Variants in TENM2 observed in about 807,000 individuals in gnomAD.
The protein encoded by TENM2 is teneurin transmembrane protein 2, also known as teneurin-2.
In TENM2, 52 loss-of-function variants were observed where a neutral mutation model predicts 245.2. The ratio of observed to expected loss-of-function variants is 0.21; its 90% CI spans 0.17 to 0.27. TENM2 has a LOEUF of 0.27. TENM2 is among the 10% of genes least tolerant of loss of function. TENM2 has a pLI of 1.00. For missense variants in TENM2, 3,046 were observed against 3,666.8 expected, an observed-to-expected ratio of 0.83 and a Z score of 4.37; for synonymous variants, 1,363 against 1,438.9, an observed-to-expected ratio of 0.95 and a Z score of 1.19.
chr5:167,562,773 A>T (rs371170096), intron 2 of TENM2, among the ~76,000 whole-genome samples: 2 of 152,180 alleles, frequency 1.3e-5, no homozygotes, highest in East Asian at 1.9e-4. Flanking sequence ...CCTGGCCAAC[A>T]CGGTGAAACC....
chr5:167,652,438 C>T (rs1754536378), intron 2 of TENM2, among the ~76,000 whole-genome samples: 1 of 152,070 alleles, frequency 6.6e-6, no homozygotes, highest in Non-Finnish European at 1.5e-5. Context: ...TCCTCTTCTG[C>T]CTTCAGGAGG....
intron 2 of TENM2, among the ~76,000 whole-genome samples, chr5:167,821,620 T>A (rs1767534591): frequency 6.6e-6 from 1 of 152,240 alleles, no homozygotes; most frequent in Non-Finnish European, 1.5e-5. Flanking sequence ...ATTTTCCTCT[T>A]ATTTGGCTAC....
chr5:168,256,141 G>C (rs1767635788), intron 27 of TENM2, among the ~76,000 whole-genome samples: 1 of 151,760 alleles, frequency 6.6e-6, no homozygotes. Context: ...TAAATGGAAA[G>C]GCAAATTTAT....
At chr5:167,801,041 C>T (rs1765673168) in intron 2 of TENM2, among the ~76,000 whole-genome samples, 1 of 139,200 alleles carries the variant, frequency 7.2e-6, no homozygotes, top group South Asian at 2.3e-4. Flanking sequence ...GAATAAAGGT[C>T]TTTGACCATA....
intron 2 of TENM2, among the ~76,000 whole-genome samples, chr5:167,407,159 G>A (rs180739439): frequency 1.3e-5 from 2 of 152,082 alleles, no homozygotes; most frequent in South Asian, 4.1e-4. Context: ...TCTTTCTCCA[G>A]TATCATTGTC....
intron 3 of TENM2, among the ~76,000 whole-genome samples, chr5:167,894,519 C>T (rs1194262716): frequency 6.6e-6 from 1 of 152,122 alleles, no homozygotes; most frequent in East Asian, 1.9e-4. Context: ...CTCTGACAGC[C>T]TTGTACTTCC....
chr5:168,247,781 A>G lies in TENM2; in HGVS notation c.6842A>G (p.Asn2281Ser), dbSNP rs992967997. The G allele has an allele frequency of 3.1e-6, 5 of 1,613,848 alleles. No individual in the cohort carries two copies. The highest frequency in any genetic ancestry group is 4.2e-6 in the Non-Finnish European group (5 of 1,179,894). ...AGAGGGTCTGACATCTTCGAATACA[A>G]TTCCAAGGGCCTCCTAACAAGAGCC... Residue 2281 changes from asparagine (N) to serine (S), a missense_variant, in exon 27 of 29, where the codon AAT becomes AGT. This residue lies in a region of TENM2 where 2,704 missense variants were observed against 3,331.9 expected (regional missense o/e 0.81). Transcript: ENST00000518659. The surrounding 1 kb of genome is among the most constrained non-coding windows in gnomAD (Gnocchi z 7.8).
At chr5:168,198,188 CTTTTTTTTTTTTTT>C (rs35539116) in intron 15 of TENM2, among the ~76,000 whole-genome samples, 1 of 95,834 alleles carries the variant, frequency 1.0e-5, no homozygotes, top group Non-Finnish European at 1.9e-5. Context: ...CCAATGAACC[CTTTTTTTTTTTTTT>C]TTTTTTTTTT....
intron 1 of TENM2, among the ~76,000 whole-genome samples, chr5:167,298,167 G>T (rs1256699133): frequency 6.6e-6 from 1 of 152,120 alleles, no homozygotes; most frequent in Non-Finnish European, 1.5e-5. Flanking sequence ...GAGCGGGATT[G>T]GGGCGGCGTG....
At chr5:167,790,608 C>T (rs540823725) in intron 2 of TENM2, among the ~76,000 whole-genome samples, 1 of 152,162 alleles carries the variant, frequency 6.6e-6, no homozygotes, top group Non-Finnish European at 1.5e-5. Flanking sequence ...GAACTGTTCT[C>T]GTCACCCCTC....
the TENM2 span, among the ~76,000 whole-genome samples, chr5:167,191,028 G>T: frequency 6.6e-6 from 1 of 151,792 alleles, no homozygotes; most frequent in South Asian, 2.1e-4. Context: ...TGTGTTTTGA[G>T]CACATTAGTA....
chr5:167,983,376 A>C (rs1260121486), intron 4 of TENM2, among the ~76,000 whole-genome samples: 1 of 152,220 alleles, frequency 6.6e-6, no homozygotes, highest in South Asian at 2.1e-4. Context: ...TTAAATATCA[A>C]GAGTCGAAGC....
At chr5:168,207,769 C>A (rs543282764) in intron 19 of TENM2, among the ~76,000 whole-genome samples, 49 of 152,144 alleles carry the variant, frequency 3.2e-4, no homozygotes, top group Non-Finnish European at 4.1e-4. Context: ...AGCTGAGCCT[C>A]TGAATTGGGA....
chr5:167,440,178 A>G (rs557132009), intron 2 of TENM2, among the ~76,000 whole-genome samples: 1 of 152,346 alleles, frequency 6.6e-6, no homozygotes, highest in South Asian at 2.1e-4. Flanking sequence ...TCATATTTTC[A>G]TGTCTCTTAA....
At chr5:167,977,530 T>C (rs1179697952) in intron 4 of TENM2, among the ~76,000 whole-genome samples, 2 of 152,196 alleles carry the variant, frequency 1.3e-5, no homozygotes, top group African/African-American at 4.8e-5. Context: ...GAAAGCTCTT[T>C]CCTGAAATGA....
At chr5:168,014,515 G>T (rs1208975884) in intron 5 of TENM2, among the ~76,000 whole-genome samples, 1 of 152,076 alleles carries the variant, frequency 6.6e-6, no homozygotes, top group African/African-American at 2.4e-5. Context: ...CCAAATAAGG[G>T]TAGACAAGTT....
chr5:166,992,855 A>C, the TENM2 span, among the ~76,000 whole-genome samples: 1 of 152,346 alleles, frequency 6.6e-6, no homozygotes, highest in East Asian at 1.9e-4. Flanking sequence ...TATCCTTCCT[A>C]CACAAATATG....
At chr5:167,375,361 A>T in exon 2 of TENM2, 1 of 1,551,690 alleles carries the variant, frequency 6.4e-7, no homozygotes, top group Non-Finnish European at 8.7e-7. Context: ...ACGCCATCAG[A>T]CTGTGGGGCA....
At chr5:167,098,662 A>G in the TENM2 span, among the ~76,000 whole-genome samples, 244 of 152,306 alleles carry the variant, frequency 1.6e-3, 1 homozygote, top group Non-Finnish European at 2.1e-3. Flanking sequence ...CATACCGAGA[A>G]AAAGGAAGCC....
Sources: gnomAD v4.1 joint callset for allele counts (sites outside exome capture counted in the v4.1 genomes callset) on GRCh38, gnomAD v4.1.1 for gene constraint, gnomAD v4.1.1 regional missense constraint, Gnocchi (gnomAD v3.1) non-coding constraint, MANE v1.5 for transcripts, NCBI Gene and HGNC (gene_info 2026-07-23, HGNC 2026-07-21) for gene names.